Variants in LRP1B observed in about 807,000 individuals in gnomAD.
LRP1B encodes LDL receptor related protein 1B.
In LRP1B, 217 loss-of-function variants were observed where a neutral mutation model predicts 556.6. The observed-to-expected ratio is 0.39, with a 90% confidence interval of 0.35 to 0.44. The LOEUF is 0.44. Ranked by LOEUF, LRP1B falls within the 20% of genes least tolerant of loss-of-function variation. LRP1B has a pLI of 1.00. For synonymous variants in LRP1B, 2,047 were observed against 1,865.8 expected (o/e 1.10, Z -2.50); for missense variants, 5,053 against 5,620.8 (o/e 0.90, Z 3.23).
intron 2 of LRP1B, among the ~76,000 whole-genome samples, chr2:141,634,266 G>A (rs1689017770): frequency 6.6e-6 from 1 of 151,838 alleles, no homozygotes; most frequent in Non-Finnish European, 1.5e-5. Flanking sequence ...GTATTCCTGA[G>A]CAGGACTTGA....
intron 2 of LRP1B, among the ~76,000 whole-genome samples, chr2:141,700,435 G>A (rs1279019410): frequency 6.6e-6 from 1 of 151,744 alleles, no homozygotes; most frequent in African/African-American, 2.4e-5. Flanking sequence ...TTCTAAAATT[G>A]TAATCTCATA....
intron 5 of LRP1B, among the ~76,000 whole-genome samples, chr2:141,245,760 G>A (rs1290454760): frequency 6.6e-6 from 1 of 152,148 alleles, no homozygotes; most frequent in Non-Finnish European, 1.5e-5. Flanking sequence ...AAACTACAGG[G>A]TTTATTTGCA....
At chr2:140,764,414 G>A (rs1007030933) in intron 35 of LRP1B, among the ~76,000 whole-genome samples, 2 of 152,042 alleles carry the variant, frequency 1.3e-5, no homozygotes, top group African/African-American at 2.4e-5. Context: ...TTAGTATATG[G>A]CCCCTTGATC....
chr2:141,176,333 C>T (rs944841224), intron 7 of LRP1B, among the ~76,000 whole-genome samples: 4 of 152,062 alleles, frequency 2.6e-5, no homozygotes, highest in African/African-American at 9.7e-5. Flanking sequence ...CCACATTGCA[C>T]AGGAGGGTTC....
chr2:140,693,712 G>A lies in LRP1B; in HGVS notation c.6799+6538C>T, dbSNP rs560612849. 3.4e-4 allele frequency among the ~76,000 whole-genome samples: 52 copies of A among 150,958 alleles called. 2 individuals carry two copies. In the Middle Eastern group the frequency reaches 0.011, roughly 31 times the overall value. ...AAGATCACATTACTTTTTTTGGGGT[G>A]GGTGGCGGGGGGGCGTGGAGAGTCA... On this transcript the variant is annotated intron_variant, in intron 41 of 90. Transcript: ENST00000389484.
At chr2:141,289,717 A>G (rs1385773246) in intron 3 of LRP1B, among the ~76,000 whole-genome samples, 1 of 152,152 alleles carries the variant, frequency 6.6e-6, no homozygotes, top group African/African-American at 2.4e-5. Context: ...TTCTAAAAGA[A>G]GCTTTAAAAT....
At chr2:141,151,469 A>G (rs932455867) in intron 7 of LRP1B, among the ~76,000 whole-genome samples, 9 of 152,188 alleles carry the variant, frequency 5.9e-5, no homozygotes, top group African/African-American at 1.9e-4. Context: ...CTATCAAAAC[A>G]TCAGCTGATA....
At chr2:140,824,847 T>C (rs1691450083) in intron 31 of LRP1B, among the ~76,000 whole-genome samples, 1 of 152,158 alleles carries the variant, frequency 6.6e-6, no homozygotes, top group Non-Finnish European at 1.5e-5. Context: ...CAATAAATCT[T>C]AGGTTTAGTC....
chr2:140,629,369 C>T (rs1025443429), intron 41 of LRP1B, among the ~76,000 whole-genome samples: 1 of 151,968 alleles, frequency 6.6e-6, no homozygotes, highest in Non-Finnish European at 1.5e-5. Flanking sequence ...TGCTGGGCAT[C>T]ATGTAGTTAT....
intron 43 of LRP1B, among the ~76,000 whole-genome samples, chr2:140,558,142 A>C (rs1052143053): frequency 1.3e-5 from 2 of 152,192 alleles, no homozygotes; most frequent in African/African-American, 2.4e-5. Flanking sequence ...GTGGAAAAGT[A>C]GAATTCTCCT....
chr2:141,507,983 G>A (rs1683990971), intron 2 of LRP1B, among the ~76,000 whole-genome samples: 1 of 151,938 alleles, frequency 6.6e-6, no homozygotes, highest in Admixed American at 6.6e-5. Context: ...AGATACTTGG[G>A]AGGCTGACAG....
In LRP1B at chr2:140,443,339, G is replaced by A. The variant is rs558718523; in HGVS notation, c.10295-716C>T. On this transcript the variant is annotated intron_variant, in intron 65 of 90. Coordinates refer to ENST00000389484, the MANE Select transcript of LRP1B (RefSeq NM_018557.3). ...GCCTCCTAAAGTGCTGGGATTACAG[G>A]CATAAGCCACTGCACCCGGCCTGTG... Among the ~76,000 whole-genome samples, 29 of 152,290 alleles carry A rather than the reference G, an allele frequency of 1.9e-4. 1 individual carries two copies. In the South Asian group the frequency reaches 6.0e-3, roughly 32 times the overall value.
intron 1 of LRP1B, among the ~76,000 whole-genome samples, chr2:142,095,209 T>A (rs1239400085): frequency 6.6e-6 from 1 of 151,606 alleles, no homozygotes; most frequent in African/African-American, 2.4e-5. Flanking sequence ...TGTGTATATG[T>A]TTTTAGCAAG....
intron 3 of LRP1B, among the ~76,000 whole-genome samples, chr2:141,419,209 G>A (rs1275079037): frequency 7.5e-6 from 1 of 133,894 alleles, no homozygotes; most frequent in Non-Finnish European, 1.7e-5. Flanking sequence ...ACTTTCTTAA[G>A]GATTTTTGGA....
At chr2:141,544,350 T>TTC (rs1559131359) in intron 2 of LRP1B, among the ~76,000 whole-genome samples, 2 of 86,308 alleles carry the variant, frequency 2.3e-5, no homozygotes, top group African/African-American at 8.2e-5. Flanking sequence ...CTTCTTCTTC[T>TTC]TCTTCTTCTT....
At chr2:141,874,685 T>C (rs145977195) in intron 1 of LRP1B, among the ~76,000 whole-genome samples, 328 of 152,096 alleles carry the variant, frequency 2.2e-3, no homozygotes, top group Non-Finnish European at 3.8e-3. Context: ...CTTTAAATGA[T>C]AGAAAATACA....
At chr2:141,501,736 A>G (rs974455910) in intron 2 of LRP1B, among the ~76,000 whole-genome samples, 1 of 152,164 alleles carries the variant, frequency 6.6e-6, no homozygotes, top group African/African-American at 2.4e-5. Flanking sequence ...TAAAAGAAAC[A>G]TGCATTGTAG....
Position 140,892,028 on chromosome 2 carries a change from G to T in LRP1B, c.3767-5693C>A, listed in dbSNP as rs1372409251. On this transcript the variant is annotated intron_variant, in intron 23 of 90. Coordinates refer to ENST00000389484, the MANE Select transcript of LRP1B (RefSeq NM_018557.3). ...GAGAGAGAAGAGCACTCACTCAGGT[G>T]AGAGGTGGAACAACAACAAAACCTG... Among the ~76,000 whole-genome samples, 7 of 152,094 alleles carry T rather than the reference G, an allele frequency of 4.6e-5. No individual in the cohort carries two copies. In the South Asian group the frequency reaches 1.5e-3, roughly 32 times the overall value.
chr2:140,420,878 A>G (rs1420880846), intron 66 of LRP1B, among the ~76,000 whole-genome samples: 2 of 152,158 alleles, frequency 1.3e-5, no homozygotes, highest in African/African-American at 2.4e-5. Flanking sequence ...GAGGTGATAA[A>G]TAAGTCCGTT....
Sources: allele counts gnomAD v4.1 joint callset (sites outside exome capture counted in the v4.1 genomes callset), GRCh38; gene constraint gnomAD v4.1.1; transcripts MANE v1.5; gene names NCBI Gene and HGNC (gene_info 2026-07-23, HGNC 2026-07-21).